The following TIPRL variants were observed in gnomAD, a reference collection of about 807,000 sequenced individuals.
TIPRL encodes TOR signaling pathway regulator, also known as TIP41-like protein.
TIPRL carries 10 observed loss-of-function variants against 32.3 expected under a neutral mutation model. The observed-to-expected ratio is 0.31, with a 90% confidence interval of 0.19 to 0.52. TIPRL has a LOEUF of 0.52. Ranked by LOEUF, TIPRL falls within the 20% of genes least tolerant of loss-of-function variation. TIPRL has a pLI of 0.96. For missense variants in TIPRL, 250 were observed against 328.1 expected (o/e 0.76, Z 1.84); for synonymous variants, 100 against 114.0 (o/e 0.88, Z 0.78).
intron 4 of TIPRL, among the ~76,000 whole-genome samples, chr1:168,192,810 C>T (rs545580182): frequency 2.6e-4 from 39 of 152,264 alleles, no homozygotes; most frequent in Middle Eastern, 6.8e-3. Flanking sequence ...GGCGTGAACC[C>T]GGAAGGCAGA....
intron 3 of TIPRL, among the ~76,000 whole-genome samples, chr1:168,187,963 C>A (rs1700048427): frequency 6.6e-6 from 1 of 152,110 alleles, no homozygotes; most frequent in Non-Finnish European, 1.5e-5. Flanking sequence ...CAGAGCGACA[C>A]CCTATCTCAA....
rs1012059260 is a variant in TIPRL at position 168,200,874 on chromosome 1, G to A, written c.*828G>A. On this transcript the variant is annotated 3_prime_UTR_variant, in exon 7 of 7. Coordinates refer to ENST00000367833, the MANE Select transcript of TIPRL (RefSeq NM_152902.5). ...GAAAAAGTCTAAAGGGTTTATTAGG[G>A]GTTGTTTTTCGCAAATATTACATCA... is the stretch of plus-strand genomic sequence containing the variant. 1 of 152,044 alleles carries A rather than the reference G, an allele frequency of 6.6e-6. No homozygotes were observed. Among genetic ancestry groups the A allele is most frequent in the Non-Finnish European group, 1.5e-5 (1 of 67,988 alleles). The allele number at this position is 152,044 out of a possible 1,614,324, so 9.4% of individuals were successfully genotyped here. A position where few individuals can be genotyped will look rare whatever the true frequency, so the allele number is the denominator to read the frequency against.
In TIPRL at chr1:168,183,885, C is replaced by CT; in HGVS notation, c.105-13dup. On this transcript the variant is annotated splice_polypyrimidine_tract_variant and intron_variant, in intron 1 of 6. Coordinates refer to ENST00000367833, the MANE Select transcript of TIPRL (RefSeq NM_152902.5). ...AGCGATATAAAATTATCTCACCCGA[C>CT]TTTTGGTTACGTATAGATTAGCCGA... 6.3e-7 allele frequency: 1 copy of CT among 1,594,968 alleles called. No homozygotes were observed. Among genetic ancestry groups the CT allele is most frequent in the South Asian group, 1.1e-5 (1 of 89,780 alleles).
chr1:168,184,158 C>A, intron 2 of TIPRL, 77 bp downstream of exon 2: 1 of 1,289,754 alleles, frequency 7.8e-7, no homozygotes. Flanking sequence ...AAAAAATATT[C>A]AGTAATGATA....
intron 3 of TIPRL, among the ~76,000 whole-genome samples, chr1:168,189,990 G>A (rs1157811657): frequency 6.6e-6 from 1 of 152,214 alleles, no homozygotes; most frequent in Non-Finnish European, 1.5e-5. Context: ...GGATTCAGGA[G>A]TATCTATAAG....
intron 5 of TIPRL, among the ~76,000 whole-genome samples, chr1:168,198,682 A>G (rs935539774): frequency 6.6e-6 from 1 of 152,138 alleles, no homozygotes; most frequent in Admixed American, 6.5e-5. Flanking sequence ...TTTCTCTTAC[A>G]TGGTAATTAT....
intron 4 of TIPRL, among the ~76,000 whole-genome samples, chr1:168,194,856 A>G (rs763391354): frequency 2.6e-5 from 4 of 152,210 alleles, no homozygotes; most frequent in African/African-American, 4.8e-5. Flanking sequence ...AACAAAGCAG[A>G]TATTTCCACC....
chr1:168,179,286 T>C (rs930233254), intron 1 of TIPRL, 105 bp downstream of exon 1: 21 of 982,230 alleles, frequency 2.1e-5, no homozygotes, highest in Non-Finnish European at 3.1e-5. Context: ...GAGGCGGAGG[T>C]TCGGTCCCTC....
rs753064216 is a variant in TIPRL at position 168,184,818 on chromosome 1, T to C, written c.324T>C (p.Tyr108=). ...ACTCCAAAGAGGTTATTAAACCATATGATTGGACCTATACAACAGATTATA... is the reference window on the plus strand; with the variant it reads ...ACTCCAAAGAGGTTATTAAACCATACGATTGGACCTATACAACAGATTATA... ...GEHSKEVIKP[Y]DWTYTTDYKG... The change falls in exon 3 of 7, where the codon TAT becomes TAC. Residue 108 remains tyrosine, a synonymous_variant. Transcript: ENST00000367833. 121 of 1,612,858 alleles carry C rather than the reference T, an allele frequency of 7.5e-5. 1 individual carries two copies. Among genetic ancestry groups the C allele is most frequent in the South Asian group, 9.9e-5 (9 of 90,798 alleles).
At chr1:168,184,718 A>T (rs1700006147) in intron 2 of TIPRL, 61 bp from the exon 3 acceptor site, 3 of 1,000,340 alleles carry the variant, frequency 3.0e-6, no homozygotes, top group Middle Eastern at 4.9e-4. Context: ...TGTGATATAT[A>T]AATACAGATA....
chr1:168,188,275 G>A (rs573753683), intron 3 of TIPRL, among the ~76,000 whole-genome samples: 2 of 152,236 alleles, frequency 1.3e-5, no homozygotes, highest in East Asian at 3.9e-4. Flanking sequence ...TTCCTTCAGA[G>A]AGGATTTTTG....
chr1:168,189,736 G>C lies in TIPRL; in HGVS notation c.385-1633G>C, dbSNP rs543660720. On this transcript the variant is annotated intron_variant, in intron 3 of 6. Transcript: ENST00000367833. Reference sequence around the variant, plus strand: ...GAGATATGTGGAGTTGAGGAAGAGAGCTGAAAAGTATAAAGTTTTAGACAT... The same window carrying C: ...GAGATATGTGGAGTTGAGGAAGAGACCTGAAAAGTATAAAGTTTTAGACAT... Among the ~76,000 whole-genome samples, 3 of 152,308 alleles carry C rather than the reference G, an allele frequency of 2.0e-5. No homozygotes were observed. In the South Asian group the frequency reaches 6.2e-4, roughly 32 times the overall value.
intron 3 of TIPRL, among the ~76,000 whole-genome samples, chr1:168,190,618 A>T (rs1171839299): frequency 1.3e-5 from 2 of 152,220 alleles, no homozygotes; most frequent in Admixed American, 6.5e-5. Flanking sequence ...CCTGTCAAGG[A>T]GTAAAACAGC....
intron 3 of TIPRL, among the ~76,000 whole-genome samples, chr1:168,190,675 A>G (rs1372397635): frequency 6.6e-6 from 1 of 152,210 alleles, no homozygotes; most frequent in South Asian, 2.1e-4. Context: ...TAGTATCACA[A>G]TTCATACTTG....
intron 1 of TIPRL, among the ~76,000 whole-genome samples, chr1:168,183,279 G>T (rs990267056): frequency 6.6e-6 from 1 of 151,218 alleles, no homozygotes; most frequent in Admixed American, 6.6e-5. Context: ...GTATTAATGT[G>T]TATAATATTT....
At chr1:168,189,990 G>C (rs1157811657) in intron 3 of TIPRL, among the ~76,000 whole-genome samples, 1 of 152,214 alleles carries the variant, frequency 6.6e-6, no homozygotes, top group Admixed American at 6.5e-5. Flanking sequence ...GGATTCAGGA[G>C]TATCTATAAG....
rs1700095088 is a variant in TIPRL, at chr1:168,191,393, G to A, written c.409G>A (p.Asp137Asn). The A allele has an allele frequency of 1.4e-5, 22 of 1,533,808 alleles. No homozygotes were observed. The highest frequency in any genetic ancestry group is 1.9e-5 in the Non-Finnish European group (22 of 1,153,054). ...GGTTGTACCTACAACAGATCATATA[G>A]ATACAGAAAAATTGAAAGCCAGAGA... ...LKVVPTTDHI[D>N]TEKLKAREQI... The change falls in exon 4 of 7, where the codon GAT becomes AAT. Residue 137 changes from aspartate (D) to asparagine (N), a missense_variant. Coordinates refer to ENST00000367833, the MANE Select transcript of TIPRL (RefSeq NM_152902.5).
intron 5 of TIPRL, among the ~76,000 whole-genome samples, chr1:168,198,421 G>A (rs1700179386): frequency 6.6e-6 from 1 of 151,982 alleles, no homozygotes; most frequent in Non-Finnish European, 1.5e-5. Context: ...AAAAATTGAA[G>A]TACAAAAAAG....
intron 4 of TIPRL, chr1:168,192,132 A>G: frequency 7.4e-7 from 1 of 1,354,162 alleles, no homozygotes; most frequent in East Asian, 3.1e-5. Context: ...GCAGACGGCA[A>G]GGTGGATGTC....
Sources: allele counts gnomAD v4.1 joint callset (sites outside exome capture counted in the v4.1 genomes callset), GRCh38; gene constraint gnomAD v4.1.1; transcripts MANE v1.5; gene names NCBI Gene and HGNC (gene_info 2026-07-23, HGNC 2026-07-21).